MEI4: variants seen among roughly 807,000 people sequenced by gnomAD.
MEI4 encodes meiotic double-stranded break formation protein 4.
MEI4 carries 27 observed loss-of-function variants against 31.4 expected under a neutral mutation model. That is an observed-to-expected ratio of 0.86 (90% CI 0.63 to 1.19). MEI4 has a LOEUF of 1.19. MEI4 is among the 50% of genes most tolerant of loss of function. The pLI is 0.00. For synonymous variants in MEI4, 122 were observed against 145.4 expected (o/e 0.84, Z 1.16); for missense variants, 329 against 398.9 (o/e 0.82, Z 1.49).
At chr6:77,898,981 ATCC>A (rs1766136985) in intron 4 of MEI4, among the ~76,000 whole-genome samples, 1 of 152,048 alleles carries the variant, frequency 6.6e-6, no homozygotes, top group African/African-American at 2.4e-5. Context: ...AGGAACAACC[ATCC>A]TTTGTGAGTA....
Position 77,822,612 on chromosome 6 carries a change from AC to A in MEI4, c.769-6308del, listed in dbSNP as rs80176320. 9.8e-3 allele frequency among the ~76,000 whole-genome samples: 1,355 copies of A among 138,644 alleles called. 18 individuals carry two copies. Among genetic ancestry groups the A allele is most frequent in the Middle Eastern group, 0.02 (5 of 250 alleles). 91.0% of individuals were successfully genotyped at this position (138,644 alleles called of 152,430 possible). On this transcript the variant is annotated intron_variant, in intron 3 of 4. Transcript: ENST00000684080. ...ATGATAAGCTGGATTGCATTTGGAT[AC>A]CCCCCCCCCCTTTTTTTTTTTCTTG...
intron 3 of MEI4, among the ~76,000 whole-genome samples, chr6:77,791,014 T>C (rs1768912580): frequency 6.6e-6 from 1 of 151,980 alleles, no homozygotes; most frequent in African/African-American, 2.4e-5. Flanking sequence ...ATGGCAATCA[T>C]TAAAAAGTCA....
chr6:77,733,129 A>T (rs574175020), intron 2 of MEI4, among the ~76,000 whole-genome samples: 27 of 151,988 alleles, frequency 1.8e-4, no homozygotes, highest in Non-Finnish European at 3.4e-4. Context: ...TATCAAGATG[A>T]TGCTGGCTTC....
At chr6:77,715,537 T>C (rs1766560071) in intron 2 of MEI4, among the ~76,000 whole-genome samples, 1 of 152,212 alleles carries the variant, frequency 6.6e-6, no homozygotes, top group African/African-American at 2.4e-5. Flanking sequence ...AGTGAGCTTT[T>C]TTTGGCTGTG....
At chr6:77,873,891 G>A (rs201146728) in intron 4 of MEI4, among the ~76,000 whole-genome samples, 2 of 151,954 alleles carry the variant, frequency 1.3e-5, no homozygotes, top group African/African-American at 2.4e-5. Flanking sequence ...TTTTTCTCAG[G>A]TTTGTCAAAG....
chr6:77,859,225 C>G (rs1348558587), intron 4 of MEI4, among the ~76,000 whole-genome samples: 1 of 152,132 alleles, frequency 6.6e-6, no homozygotes, highest in African/African-American at 2.4e-5. Context: ...GCATAGTATT[C>G]CATACTGTAT....
intron 3 of MEI4, among the ~76,000 whole-genome samples, chr6:77,798,274 C>A (rs1195987459): frequency 6.6e-6 from 1 of 150,976 alleles, no homozygotes; most frequent in Non-Finnish European, 1.5e-5. Flanking sequence ...AATGAAAAAG[C>A]AAAACGGCAG....
chr6:77,895,859 G>A (rs1766073361), intron 4 of MEI4, among the ~76,000 whole-genome samples: 1 of 152,088 alleles, frequency 6.6e-6, no homozygotes, highest in African/African-American at 2.4e-5. Flanking sequence ...AGAGAATTTA[G>A]CTGCTTTTAT....
At chr6:77,798,905 G>C (rs1355039904) in intron 3 of MEI4, among the ~76,000 whole-genome samples, 5 of 151,500 alleles carry the variant, frequency 3.3e-5, no homozygotes, top group Non-Finnish European at 4.4e-5. Context: ...TTGGACATTT[G>C]GCTTGGTTCC....
At position 77,820,415 on chromosome 6, in the gene MEI4, C is replaced by T. The variant is rs1769788828; in HGVS notation, c.769-8516C>T. The stretch of plus-strand genomic sequence containing the variant: ...TAGCTGGGACTACAGGCACACGCCA[C>T]CATGCCCCCCTGGCTAATTTTGTGT... On this transcript the variant is annotated intron_variant, in intron 3 of 4. Coordinates refer to ENST00000684080, the MANE Select transcript of MEI4 (RefSeq NM_001322247.2). The surrounding 1 kb of genome is among the most constrained non-coding windows in gnomAD (Gnocchi z 4.5). Among the ~76,000 whole-genome samples the T allele has an allele frequency of 6.6e-6, 1 of 150,692 alleles. No homozygotes were observed. The highest frequency in any genetic ancestry group is 2.4e-5 in the African/African-American group (1 of 41,350).
intron 4 of MEI4, among the ~76,000 whole-genome samples, chr6:77,914,572 G>C (rs1049957191): frequency 2.0e-5 from 3 of 152,014 alleles, no homozygotes; most frequent in Non-Finnish European, 4.4e-5. Context: ...GAAATGTTCT[G>C]TAAGTGTCTG....
chr6:77,743,052 C>T (rs550784199), intron 2 of MEI4, among the ~76,000 whole-genome samples: 2,989 of 151,974 alleles, frequency 0.02, 56 homozygotes, highest in Non-Finnish European at 0.034. Context: ...AGTCAGGTAG[C>T]GTGATGCCTC....
chr6:77,734,131 A>G (rs1218754233), intron 2 of MEI4, among the ~76,000 whole-genome samples: 1 of 151,934 alleles, frequency 6.6e-6, no homozygotes, highest in Non-Finnish European at 1.5e-5. Context: ...AGTTCTGTAG[A>G]TGTCTATTAG....
intron 1 of MEI4, among the ~76,000 whole-genome samples, chr6:77,681,926 C>A (rs1768964706): frequency 6.6e-6 from 1 of 152,144 alleles, no homozygotes; most frequent in African/African-American, 2.4e-5. Flanking sequence ...AGTAAATCCT[C>A]ATTCTTTTAT....
intron 4 of MEI4, among the ~76,000 whole-genome samples, chr6:77,917,537 T>C (rs376012039): frequency 2.2e-5 from 3 of 138,024 alleles, no homozygotes; most frequent in African/African-American, 5.8e-5. Flanking sequence ...GTGAGCATTT[T>C]TTCATGTGTT....
In MEI4 at chr6:77,788,985, A is replaced by G. The variant is rs192412157; in HGVS notation, c.768+27320A>G. On this transcript the variant is annotated intron_variant, in intron 3 of 4. Coordinates refer to ENST00000684080, the MANE Select transcript of MEI4 (RefSeq NM_001322247.2). Reference sequence around the variant, plus strand: ...AAAAGAACAAAGCTGGAGGCATCACACTACCTGACTTCAAACTATACTACA... The same window carrying G: ...AAAAGAACAAAGCTGGAGGCATCACGCTACCTGACTTCAAACTATACTACA... Among the ~76,000 whole-genome samples the G allele has an allele frequency of 1.4e-3, 217 of 152,280 alleles. 1 individual carries two copies. Among genetic ancestry groups the G allele is most frequent in the African/African-American group, 4.5e-3 (187 of 41,570 alleles).
At chr6:77,914,577 T>G (rs558943669) in intron 4 of MEI4, among the ~76,000 whole-genome samples, 188 of 152,226 alleles carry the variant, frequency 1.2e-3, no homozygotes, top group Admixed American at 3.9e-3. Flanking sequence ...GTTCTGTAAG[T>G]GTCTGTTAGG....
intron 3 of MEI4, among the ~76,000 whole-genome samples, chr6:77,800,835 A>T (rs529497215): frequency 6.6e-6 from 1 of 152,230 alleles, no homozygotes; most frequent in Non-Finnish European, 1.5e-5. Context: ...TATCCCAGGG[A>T]TGAAGCCCAC....
chr6:77,672,399 C>G (rs979317482), intron 1 of MEI4, among the ~76,000 whole-genome samples: 1 of 152,154 alleles, frequency 6.6e-6, no homozygotes, highest in Non-Finnish European at 1.5e-5. Flanking sequence ...TTTTAATTTG[C>G]TTTAAAATGT....
Sources: allele counts gnomAD v4.1 joint callset (sites outside exome capture counted in the v4.1 genomes callset), GRCh38; gene constraint gnomAD v4.1.1; non-coding constraint Gnocchi (gnomAD v3.1); transcripts MANE v1.5; gene names NCBI Gene and HGNC (gene_info 2026-07-23, HGNC 2026-07-21).